NACA: variants seen among roughly 807,000 people sequenced by gnomAD.
NACA encodes the protein nascent polypeptide associated complex subunit alpha.
A neutral mutation model predicts 86.4 loss-of-function variants in NACA; 42 were observed. The ratio of observed to expected loss-of-function variants is 0.49; its 90% CI spans 0.38 to 0.63. NACA has a LOEUF of 0.63. Ranked by LOEUF, NACA falls within the 20% of genes least tolerant of loss-of-function variation. The probability of loss-of-function intolerance (pLI) is 0.00; values close to 1 mark genes in which losing one functional copy is unlikely to be tolerated. For missense variants in NACA, 2,157 were observed against 2,483.6 expected (o/e 0.87, Z 2.80); for synonymous variants, 898 against 973.7 (o/e 0.92, Z 1.45).
intron 5 of NACA, chr12:56,713,973 C>T (rs1308300463): frequency 2.4e-6 from 1 of 410,594 alleles, no homozygotes; most frequent in Non-Finnish European, 4.4e-6. Flanking sequence ...ACCTTAGTAG[C>T]TGGGATTACA....
Position 56,717,241 on chromosome 12 carries a change from T to C in NACA, c.4289A>G (p.Lys1430Arg), listed in dbSNP as rs1007828143. Reference protein sequence around the residue: ...VTREGAATPSKGDLTPPAVTP... With the variant: ...VTREGAATPSRGDLTPPAVTP... ...CACTGCTGGGGGAGTGAGATCTCCT[T>C]TGGATGGGGTGGCTGCGCCTTCTCT... Residue 1430 changes from lysine to arginine, a missense_variant, in exon 3 of 9, where the codon AAA becomes AGA. Lys to Arg is a conservative substitution (Grantham distance 26, BLOSUM62 2). This residue lies in a region of NACA where 797 missense variants were observed against 777.6 expected (regional missense o/e 1.02). Transcript: ENST00000454682. 6.0e-6 allele frequency: 8 copies of C among 1,323,812 alleles called. No individual in the cohort carries two copies. Among genetic ancestry groups the C allele is most frequent in the Admixed American group, 2.8e-5 (1 of 36,234 alleles). 82.0% of individuals were successfully genotyped at this position (1,323,812 alleles called of 1,614,324 possible). A position where few individuals can be genotyped will look rare whatever the true frequency, so the allele number is the denominator to read the frequency against.
chr12:56,720,145 C>A lies in NACA; in HGVS notation c.1385G>T (p.Cys462Phe). ...ACCTGATGACATTGGAGGAGAAACA[C>A]AAGTAGCTACCTCAAAGGTAGTAGT... Reference protein sequence around the residue: ...APTTTFEVATCVSPPMSSGPI... With the variant: ...APTTTFEVATFVSPPMSSGPI... Residue 462 changes from cysteine to phenylalanine, a missense_variant, in exon 3 of 9, where the codon TGT becomes TTT. By Grantham distance (205) the Cys-to-Phe change is radical. This residue lies in a region of NACA where 947 missense variants were observed against 917.9 expected (regional missense o/e 1.03). Transcript: ENST00000454682. The A allele has an allele frequency of 1.2e-6, 2 of 1,613,842 alleles. No individual in the cohort carries two copies. Among genetic ancestry groups the A allele is most frequent in the Non-Finnish European group, 1.7e-6 (2 of 1,179,866 alleles).
At position 56,720,900 on chromosome 12, in the gene NACA, A is replaced by G. The variant is rs1484537013; in HGVS notation, c.630T>C (p.Ser210=). The change falls in exon 3 of 9, where the codon AGT becomes AGC. Residue 210 remains serine, a synonymous_variant. Coordinates refer to ENST00000454682, the MANE Select transcript of NACA (RefSeq NM_001365896.1). Reference sequence around the variant, plus strand: ...GAGTCACACAGTGGTAAGGAACAGTACTGACTATACATGGAGGGCTGGGGG... The same window carrying G: ...GAGTCACACAGTGGTAAGGAACAGTGCTGACTATACATGGAGGGCTGGGGG... The part of the protein sequence containing the change: ...KGTPSPPCIV[S]TVPYHCVTPM... 1 of 1,613,902 alleles carries G rather than the reference A, an allele frequency of 6.2e-7. No individual in the cohort carries two copies. The highest frequency in any genetic ancestry group is 8.5e-7 in the Non-Finnish European group (1 of 1,179,888).
Position 56,716,230 on chromosome 12 carries a change from G to C in NACA, c.5300C>G (p.Ser1767Cys), listed in dbSNP as rs530427863. ...SPKGPLAPPE[S>C]KASTPLTAAA... ...TGCTGTTAGAGGGGTGGACGCCTTAGACTCAGGAGGAGCCAAGGGGCCCTT... is the reference window on the plus strand; with the variant it reads ...TGCTGTTAGAGGGGTGGACGCCTTACACTCAGGAGGAGCCAAGGGGCCCTT... The change falls in exon 3 of 9, where the codon TCT becomes TGT. Residue 1767 changes from serine to cysteine, a missense_variant. Physicochemically the swap from Ser to Cys is moderately radical, Grantham distance 112. This residue lies in a region of NACA where 797 missense variants were observed against 777.6 expected (regional missense o/e 1.02). Coordinates refer to ENST00000454682, the MANE Select transcript of NACA (RefSeq NM_001365896.1). 6.8e-6 allele frequency: 11 copies of C among 1,613,794 alleles called. No individual in the cohort carries two copies. The East Asian group carries it at 1.1e-4, about 16-fold the overall frequency.
chr12:56,714,712 G>C (rs757669138), intron 3 of NACA, 25 bp from the exon 4 acceptor site: 181 of 1,600,606 alleles, frequency 1.1e-4, no homozygotes, highest in Non-Finnish European at 1.5e-4. Context: ...AACTTTTACT[G>C]CTTTATAGTA....
In NACA at chr12:56,716,242, G is replaced by A; in HGVS notation, c.5288C>T (p.Ala1763Val). ...GGTGGACGCCTTAGACTCAGGAGGA[G>A]CCAAGGGGCCCTTTGGGGAATGAGA... ...DASHSPKGPL[A>V]PPESKASTPL... The change falls in exon 3 of 9, where the codon GCT becomes GTT. Residue 1763 changes from alanine to valine, a missense_variant. Ala to Val is a moderately conservative substitution (Grantham distance 64). Coordinates refer to ENST00000454682, the MANE Select transcript of NACA (RefSeq NM_001365896.1). The A allele has an allele frequency of 6.2e-7, 1 of 1,613,798 alleles. No individual in the cohort carries two copies. The highest frequency in any genetic ancestry group is 8.5e-7 in the Non-Finnish European group (1 of 1,179,884).
chr12:56,713,973 C>G, intron 5 of NACA: 1 of 410,712 alleles, frequency 2.4e-6, no homozygotes, highest in South Asian at 2.9e-5. Flanking sequence ...ACCTTAGTAG[C>G]TGGGATTACA....
intron 2 of NACA, among the ~76,000 whole-genome samples, chr12:56,723,007 C>T (rs538677946): frequency 2.6e-5 from 4 of 152,172 alleles, no homozygotes; most frequent in Non-Finnish European, 5.9e-5. Flanking sequence ...ACTAGTTTTT[C>T]CTGGAGAGTG....
At chr12:56,713,297 C>A (rs375567238) in intron 6 of NACA, 107 bp from the exon 7 acceptor site, 1 of 1,390,200 alleles carries the variant, frequency 7.2e-7, no homozygotes, top group African/African-American at 1.4e-5. Context: ...ACTTATTGTA[C>A]AGCTTTAAAC....
At chr12:56,724,778 G>A in intron 1 of NACA, 1 of 492,952 alleles carries the variant, frequency 2.0e-6, no homozygotes, top group Admixed American at 3.7e-5. Flanking sequence ...TCTCGATCAT[G>A]GGAGACTTCA....
Position 56,720,985 on chromosome 12 carries a change from G to C in NACA, c.545C>G (p.Ser182Ter), listed in dbSNP as rs1458983567. 12 of 1,613,988 alleles carry C rather than the reference G, an allele frequency of 7.4e-6. No individual in the cohort carries two copies. Among genetic ancestry groups the C allele is most frequent in the Non-Finnish European group, 1.0e-5 (12 of 1,179,880 alleles). Residue 182 changes from serine to a stop codon, truncating the protein, a stop_gained, in exon 3 of 9, where the codon TCA (serine) becomes TGA (stop). Coordinates refer to ENST00000454682, the MANE Select transcript of NACA (RefSeq NM_001365896.1). LOFTEE classifies it high-confidence loss of function. ...TTTATTAAGATTAGTCTTTGGTTCT[G>C]AGGGAGCAATGGGAGCTGACAGAGT... Reference protein sequence around the residue: ...VITLSAPIAPSEPKTNLNKVP... With the variant: ...VITLSAPIAP
chr12:56,714,273 C>A, intron 5 of NACA, 89 bp downstream of exon 5: 1 of 1,392,124 alleles, frequency 7.2e-7, no homozygotes, highest in East Asian at 2.3e-5. Flanking sequence ...ACCAAAATAC[C>A]ACCTGTTCCC....
rs780094833 is a variant in NACA, at chr12:56,717,029, C to T, written c.4501G>A (p.Gly1501Arg). 5 of 1,267,428 alleles carry T rather than the reference C, an allele frequency of 3.9e-6. No individual in the cohort carries two copies. In the East Asian group the frequency reaches 1.9e-4, roughly 49 times the overall value. 78.5% of individuals were successfully genotyped at this position (1,267,428 alleles called of 1,614,324 possible). Residue 1501 changes from glycine to arginine, a missense_variant, in exon 3 of 9, where the codon GGG becomes AGG. Transcript: ENST00000454682. ...ATCACAGCTGGCAGAGTGGGGGCCC[C>T]CATGGGGGCTGGAGTTGCTGGGGCC... The part of the protein sequence containing the change: ...KKAPATPAPM[G>R]APTLPAVIPS...
rs1953380615 is a variant in NACA, at chr12:56,716,778, T to C, written c.4752A>G (p.Ala1584=). 7.5e-7 allele frequency: 1 copy of C among 1,332,900 alleles called. No homozygotes were observed. The highest frequency in any genetic ancestry group is 9.8e-7 in the Non-Finnish European group (1 of 1,023,826). The allele number at this position is 1,332,900 out of a possible 1,614,324, so 82.6% of individuals were successfully genotyped here. A position where few individuals can be genotyped will look rare whatever the true frequency, so the allele number is the denominator to read the frequency against. Residue 1584 remains alanine (A), a synonymous_variant, in exon 3 of 9, where the codon GCA becomes GCG. Coordinates refer to ENST00000454682, the MANE Select transcript of NACA (RefSeq NM_001365896.1). ...PSSKEASSPP[A]VTPSTYKGAP... The stretch of plus-strand genomic sequence containing the variant: ...CCCCTTTGTAAGTGGAAGGAGTCAC[T>C]GCTGGGGGACTGGAGGCCTCTTTGG...
chr12:56,723,041 C>T (rs1387886790), intron 2 of NACA, among the ~76,000 whole-genome samples: 3 of 152,162 alleles, frequency 2.0e-5, no homozygotes, highest in African/African-American at 7.2e-5. Flanking sequence ...CTAACGATTA[C>T]AGGAAAACGC....
chr12:56,719,724 A>G lies in NACA; in HGVS notation c.1806T>C (p.Gly602=). The G allele has an allele frequency of 6.2e-7, 1 of 1,613,930 alleles. No homozygotes were observed. ...KKSLGEPLPI[G]KPASSMTSPL... The stretch of plus-strand genomic sequence containing the variant: ...GGGAGGTCATACTGCTGGCTGGCTT[A>G]CCTATAGGGAGAGGCTCCCCAAGGC... Residue 602 remains glycine, a synonymous_variant, in exon 3 of 9, where the codon GGT becomes GGC. Coordinates refer to ENST00000454682, the MANE Select transcript of NACA (RefSeq NM_001365896.1).
chr12:56,714,619 T>C lies in NACA; in HGVS notation c.5728A>G (p.Thr1910Ala), dbSNP rs1953300607. The stretch of plus-strand genomic sequence containing the variant: ...ATACCCACCTGGGCTTGTTGTGTGG[T>C]TGCCTGGGTGGAATCCTGTTCTTCA... ...ELEEQDSTQATTQQAQLAAAA... is the reference protein window; with the variant it reads ...ELEEQDSTQAATQQAQLAAAA... The change falls in exon 4 of 9, where the codon ACC (threonine) becomes GCC (alanine). Residue 1910 changes from threonine (T) to alanine (A), a missense_variant. Thr to Ala is a moderately conservative substitution (Grantham distance 58, BLOSUM62 0). This residue lies in a region of NACA where 797 missense variants were observed against 777.6 expected (regional missense o/e 1.02). Coordinates refer to ENST00000454682, the MANE Select transcript of NACA (RefSeq NM_001365896.1). The C allele has an allele frequency of 1.9e-6, 3 of 1,614,182 alleles. No homozygotes were observed. The highest frequency in any genetic ancestry group is 2.7e-5 in the African/African-American group (2 of 75,054).
At chr12:56,724,135 G>C (rs944639384) in intron 2 of NACA, among the ~76,000 whole-genome samples, 1 of 152,162 alleles carries the variant, frequency 6.6e-6, no homozygotes, top group Non-Finnish European at 1.5e-5. Context: ...AGTTCCAATA[G>C]GTAAGAATCA....
In NACA at chr12:56,713,056, G is replaced by A. The variant is rs955037728; in HGVS notation, c.6099+6C>T. On this transcript the variant is annotated splice_donor_region_variant and intron_variant, in intron 7 of 8. Coordinates refer to ENST00000454682, the MANE Select transcript of NACA (RefSeq NM_001365896.1). Reference sequence around the variant, plus strand: ...GAGTTAAATTATGAAAGATTTCCTAGTATACCTCTTCCTCTTCACTCTCCT... The same window carrying A: ...GAGTTAAATTATGAAAGATTTCCTAATATACCTCTTCCTCTTCACTCTCCT... 1.9e-6 allele frequency: 3 copies of A among 1,613,784 alleles called. No individual in the cohort carries two copies. The African/African-American group carries it at 4.0e-5, about 22-fold the overall frequency.
Sources: gnomAD v4.1 joint callset for allele counts (sites outside exome capture counted in the v4.1 genomes callset) on GRCh38, gnomAD v4.1.1 for gene constraint, gnomAD v4.1.1 regional missense constraint, MANE v1.5 for transcripts, NCBI Gene and HGNC (gene_info 2026-07-23, HGNC 2026-07-21) for gene names.